COLEC10: variants seen among roughly 807,000 people sequenced by gnomAD.
COLEC10 encodes collectin-10.
A neutral mutation model predicts 28.4 loss-of-function variants in COLEC10; 22 were observed. The observed-to-expected ratio is 0.78, with a 90% CI of 0.55 to 1.11. The LOEUF is 1.11. Among genes scored for constraint, COLEC10 ranks in the 50% least tolerant of loss-of-function variants. The probability of loss-of-function intolerance (pLI) is 0.00; values close to 1 mark genes in which losing one functional copy is unlikely to be tolerated. For synonymous variants in COLEC10, 125 were observed against 116.1 expected (o/e 1.08, Z -0.49); for missense variants, 361 against 344.1 (o/e 1.05, Z -0.39).
In COLEC10 at chr8:119,007,402, G is replaced by A. The variant is rs113474237; in HGVS notation, n.123-2039G>A. 1.1e-3 allele frequency among the ~76,000 whole-genome samples: 159 copies of A among 144,546 alleles called. 16 individuals are homozygous for A. The highest frequency in any genetic ancestry group is 4.5e-3 in the African/African-American group (154 of 34,332). 94.8% of individuals were successfully genotyped at this position (144,546 alleles called of 152,430 possible). A position where few individuals can be genotyped will look rare whatever the true frequency, so the allele number is the denominator to read the frequency against. ...GCTGGCACTACATGACAAATTTACT[G>A]ATTGGATAGACGGATAGGGAAGGTT... On this transcript the variant is annotated intron_variant and non_coding_transcript_variant, in intron 1 of 6. Transcript: ENST00000521788.
chr8:118,994,892 A>C (rs1813564231), upstream of COLEC10, among the ~76,000 whole-genome samples: 1 of 152,216 alleles, frequency 6.6e-6, no homozygotes, highest in South Asian at 2.1e-4. Flanking sequence ...AATATACATG[A>C]GTTCACTTTA....
chr8:119,040,490 G>A (rs1405659804), intron 2 of COLEC10, among the ~76,000 whole-genome samples: 1 of 152,096 alleles, frequency 6.6e-6, no homozygotes, highest in Non-Finnish European at 1.5e-5. Flanking sequence ...AAATATAAGT[G>A]GACAGCCCAT....
chr8:119,064,112 AT>A (rs1290293613), upstream of COLEC10, among the ~76,000 whole-genome samples: 1 of 152,058 alleles, frequency 6.6e-6, no homozygotes, highest in Non-Finnish European at 1.5e-5. Context: ...GGGAAGCACT[AT>A]TTTTTTGCAC....
chr8:119,072,301 GCA>G (rs1815140377), intron 1 of COLEC10, among the ~76,000 whole-genome samples: 2 of 151,886 alleles, frequency 1.3e-5, no homozygotes, highest in South Asian at 4.1e-4. Flanking sequence ...GAGTAGCTGA[GCA>G]CACACTGAGT....
In COLEC10 at chr8:119,107,782, C is replaced by A. The variant is rs1466405168; in HGVS notation, c.*1591C>A. The stretch of plus-strand genomic sequence containing the variant: ...TGGCTGCTGCTGGTGCTAGGGAGGA[C>A]CCAATCTTGCTAAATGTGCTGATAT... On this transcript the variant is annotated 3_prime_UTR_variant, in exon 6 of 6. Transcript: ENST00000332843. Among the ~76,000 whole-genome samples, 1 of 152,098 alleles carries A rather than the reference C, an allele frequency of 6.6e-6. No homozygotes were observed. Among genetic ancestry groups the A allele is most frequent in the Non-Finnish European group, 1.5e-5 (1 of 68,022 alleles).
upstream of COLEC10, among the ~76,000 whole-genome samples, chr8:119,066,011 C>T (rs1022201454): frequency 6.6e-6 from 1 of 152,150 alleles, no homozygotes; most frequent in Non-Finnish European, 1.5e-5. Context: ...GCCACCCGGC[C>T]GCTGGTGTAA....
intron 3 of COLEC10, among the ~76,000 whole-genome samples, chr8:119,096,203 A>G (rs1815712998): frequency 6.6e-6 from 1 of 152,204 alleles, no homozygotes; most frequent in Admixed American, 6.5e-5. Flanking sequence ...ATAGAAGTCT[A>G]TATTTTTGAT....
chr8:118,977,552 A>C, the COLEC10 span, among the ~76,000 whole-genome samples: 1 of 140,680 alleles, frequency 7.1e-6, no homozygotes, highest in Non-Finnish European at 1.5e-5. Flanking sequence ...CTGAACAATG[A>C]GAACACATGG....
chr8:118,995,120 C>T (rs1039129750), upstream of COLEC10, among the ~76,000 whole-genome samples: 2 of 152,192 alleles, frequency 1.3e-5, no homozygotes, highest in South Asian at 4.1e-4. Flanking sequence ...ATAAATACTA[C>T]CCAGCCAGTA....
intron 2 of COLEC10, among the ~76,000 whole-genome samples, chr8:119,089,957 ATTC>A (rs1815556366): frequency 6.6e-6 from 1 of 152,184 alleles, no homozygotes; most frequent in Non-Finnish European, 1.5e-5. Context: ...CTCAAGTTGC[ATTC>A]TTTAGGGCTG....
chr8:119,025,947 TG>T (rs376535140), intron 2 of COLEC10, among the ~76,000 whole-genome samples: 274 of 152,288 alleles, frequency 1.8e-3, no homozygotes, highest in Non-Finnish European at 2.8e-3. Flanking sequence ...TCACTTGGAT[TG>T]CTCATGTCTT....
intron 1 of COLEC10, among the ~76,000 whole-genome samples, chr8:119,072,499 G>A (rs1403779057): frequency 6.6e-6 from 1 of 151,962 alleles, no homozygotes; most frequent in East Asian, 1.9e-4. Context: ...AAGGAATTGA[G>A]GTAAGAATTA....
chr8:118,967,283 A>C, the COLEC10 span, among the ~76,000 whole-genome samples: 1 of 152,148 alleles, frequency 6.6e-6, no homozygotes, highest in South Asian at 2.1e-4. Context: ...TCATAAATTT[A>C]CCATCAGAAA....
chr8:119,053,203 G>A (rs771925750), intron 2 of COLEC10, among the ~76,000 whole-genome samples: 4 of 152,082 alleles, frequency 2.6e-5, no homozygotes, highest in Non-Finnish European at 5.9e-5. Flanking sequence ...TAAAAGGGGG[G>A]ACTATGTTCT....
At chr8:119,091,289 C>A in intron 3 of COLEC10, 69 bp downstream of exon 3, 1 of 1,140,590 alleles carries the variant, frequency 8.8e-7, no homozygotes, top group Non-Finnish European at 1.3e-6. Flanking sequence ...ATGGCTCACA[C>A]CAGTAATCCC....
chr8:119,102,365 G>T lies in COLEC10; in HGVS notation c.310G>T (p.Gly104Cys). The change falls in exon 4 of 6, where the codon GGT becomes TGT. Residue 104 changes from glycine to cysteine, a missense_variant. By Grantham distance (159) the Gly-to-Cys change is radical. Around this residue, in one of 3 missense-constraint regions of COLEC10, gnomAD observed 335 missense variants for 308.5 expected, o/e 1.09. Coordinates refer to ENST00000332843, the MANE Select transcript of COLEC10 (RefSeq NM_006438.5). ...IGKKGDKGEK[G>C]LLGIPGEKGK... Reference sequence around the variant, plus strand: ...TTTTTCAGGTGACAAAGGGGAAAAAGGTTTGCTTGGAATACCTGGAGAAAA... The same window carrying T: ...TTTTTCAGGTGACAAAGGGGAAAAATGTTTGCTTGGAATACCTGGAGAAAA... 1 of 1,607,192 alleles carries T rather than the reference G, an allele frequency of 6.2e-7. No individual in the cohort carries two copies. Among genetic ancestry groups the T allele is most frequent in the Non-Finnish European group, 8.5e-7 (1 of 1,176,416 alleles).
intron 1 of COLEC10, among the ~76,000 whole-genome samples, chr8:119,008,480 A>AC (rs367759809): frequency 4.8e-5 from 7 of 145,386 alleles, no homozygotes; most frequent in Admixed American, 2.7e-4. Context: ...TTTACTTTTT[A>AC]TTTTTTTTTT....
intron 1 of COLEC10, among the ~76,000 whole-genome samples, chr8:118,996,100 T>C (rs1045792460): frequency 2.6e-5 from 4 of 152,158 alleles, no homozygotes; most frequent in Admixed American, 2.6e-4. Flanking sequence ...AATTTGACTG[T>C]TTTAGATAAC....
chr8:119,043,240 T>C (rs1218240991), intron 2 of COLEC10, among the ~76,000 whole-genome samples: 1 of 152,234 alleles, frequency 6.6e-6, no homozygotes, highest in Non-Finnish European at 1.5e-5. Context: ...TTCACACCTC[T>C]AAAGTTACAT....
Sources: allele counts gnomAD v4.1 joint callset (sites outside exome capture counted in the v4.1 genomes callset), GRCh38; gene constraint gnomAD v4.1.1; regional missense constraint gnomAD v4.1.1; transcripts MANE v1.5; gene names NCBI Gene and HGNC (gene_info 2026-07-23, HGNC 2026-07-21).